ATP2C1: variants seen among roughly 807,000 people sequenced by gnomAD.
ATP2C1 encodes the protein ATPase secretory pathway Ca2+ transporting 1.
In ATP2C1, 31 loss-of-function variants were observed where a neutral mutation model predicts 120.5. The observed-to-expected ratio is 0.26, with a 90% confidence interval of 0.19 to 0.35. The LOEUF (loss-of-function observed/expected upper bound fraction) is 0.35, where lower values mean the gene tolerates loss of function less well. Among genes scored for constraint, ATP2C1 ranks in the 10% least tolerant of loss-of-function variants. The probability of loss-of-function intolerance (pLI) is 1.00; values close to 1 mark genes in which losing one functional copy is unlikely to be tolerated. For missense variants in ATP2C1, 731 were observed against 1,107.5 expected, an observed-to-expected ratio of 0.66 and a Z score of 4.83; for synonymous variants, 351 against 358.7, an observed-to-expected ratio of 0.98 and a Z score of 0.24.
chr3:130,884,258 A>ATT (rs1441314369), intron 1 of ATP2C1, among the ~76,000 whole-genome samples: 1 of 152,024 alleles, frequency 6.6e-6, no homozygotes, highest in Non-Finnish European at 1.5e-5. Context: ...TAATTTCTTC[A>ATT]TTGACCCACT....
intron 26 of ATP2C1, among the ~76,000 whole-genome samples, chr3:131,011,540 C>T (rs1476482953): frequency 6.6e-6 from 1 of 152,182 alleles, no homozygotes; most frequent in Non-Finnish European, 1.5e-5. Context: ...ATGGGATGTA[C>T]AATATTCTGC....
upstream of ATP2C1, chr3:130,893,819 GC>G: frequency 1.8e-6 from 1 of 571,320 alleles, no homozygotes; most frequent in Non-Finnish European, 2.2e-6. Context: ...TAAGGGAGGC[GC>G]CAGCAAGAAC....
In ATP2C1 at chr3:130,941,007, C is replaced by T. The variant is rs141093942; in HGVS notation, c.422+316C>T. Among the ~76,000 whole-genome samples, 488 of 116,296 alleles carry T rather than the reference C, an allele frequency of 4.2e-3. 3 individuals carry two copies. The highest frequency in any genetic ancestry group is 7.6e-3 in the Non-Finnish European group (356 of 46,834). 76.3% of individuals were successfully genotyped at this position (116,296 alleles called of 152,430 possible). ...TCGGCTCACTGCAAGCTCCATCTGC[C>T]GGGTTCACGCCATTTTCTTGCCTCA... On this transcript the variant is annotated intron_variant, in intron 7 of 27. Transcript: ENST00000510168.
intron 8 of ATP2C1, among the ~76,000 whole-genome samples, chr3:130,950,986 C>T (rs1051387617): frequency 6.6e-6 from 1 of 152,102 alleles, no homozygotes; most frequent in Non-Finnish European, 1.5e-5. Flanking sequence ...TTTTACTTCT[C>T]TTACAGAAGG....
chr3:130,979,239 A>G lies in ATP2C1; in HGVS notation c.1571-10A>G, dbSNP rs753608259. 4 of 1,612,890 alleles carry G rather than the reference A, an allele frequency of 2.5e-6. No individual in the cohort carries two copies. The highest frequency in any genetic ancestry group is 1.3e-5 in the African/African-American group (1 of 74,778). On this transcript the variant is annotated splice_polypyrimidine_tract_variant and intron_variant, in intron 18 of 27. Transcript: ENST00000510168. ...TTTTTGTTGTTGTTTGGATTTTATT[A>G]TTTCCTAAGTTCTTGCTTTGGCTTC...
At chr3:130,919,811 C>T (rs2058869666) in intron 2 of ATP2C1, among the ~76,000 whole-genome samples, 1 of 152,224 alleles carries the variant, frequency 6.6e-6, no homozygotes, top group South Asian at 2.1e-4. Flanking sequence ...TTCCCACCAA[C>T]AGGATTCCAA....
Position 130,996,814 on chromosome 3 carries a change from G to A in ATP2C1, c.2243+18G>A, listed in dbSNP as rs776884594. Reference sequence around the variant, plus strand: ...GCTCAGAGGTACGAGTTTTTTAATTGCATGAGCTGGAAAGACAAGGAATGT... The same window carrying A: ...GCTCAGAGGTACGAGTTTTTTAATTACATGAGCTGGAAAGACAAGGAATGT... On this transcript the variant is annotated intron_variant, in intron 24 of 27. Transcript: ENST00000510168. The A allele has an allele frequency of 6.7e-7, 1 of 1,489,582 alleles. No individual in the cohort carries two copies. The highest frequency in any genetic ancestry group is 2.3e-5 in the East Asian group (1 of 44,212). 92.3% of individuals were successfully genotyped at this position (1,489,582 alleles called of 1,614,324 possible). A position where few individuals can be genotyped will look rare whatever the true frequency, so the allele number is the denominator to read the frequency against.
intron 24 of ATP2C1, 129 bp downstream of exon 24, chr3:130,996,925 T>G: frequency 2.7e-6 from 2 of 751,982 alleles, no homozygotes; most frequent in Non-Finnish European, 4.8e-6. Context: ...ATTTATGTTA[T>G]AAATTGTGTG....
intron 2 of ATP2C1, among the ~76,000 whole-genome samples, chr3:130,926,717 T>C (rs2059223133): frequency 6.6e-6 from 1 of 152,370 alleles, no homozygotes; most frequent in South Asian, 2.1e-4. Context: ...CACGCTCACA[T>C]ACCAGGTCTC....
rs540981137 is a variant in ATP2C1 at position 130,881,346 on chromosome 3, T to C, written c.108+30418T>C. Among the ~76,000 whole-genome samples, 46 of 151,140 alleles carry C rather than the reference T, an allele frequency of 3.0e-4. 1 individual carries two copies. In the East Asian group the frequency reaches 7.6e-3, roughly 25 times the overall value. ...CTCCTTTTCTTTTTCTTCTTCTTCT[T>C]CTCCTCCTCCTCCTCCTCCCCCTCC... On this transcript the variant is annotated intron_variant, in intron 1 of 26. Transcript: ENST00000504381.
At chr3:130,961,146 C>T (rs1416199122) in intron 12 of ATP2C1, among the ~76,000 whole-genome samples, 5 of 150,302 alleles carry the variant, frequency 3.3e-5, no homozygotes, top group African/African-American at 9.8e-5. Context: ...TGTTTAAAAA[C>T]GCCATGGGTT....
downstream of ATP2C1, among the ~76,000 whole-genome samples, chr3:131,006,525 T>C (rs1237710078): frequency 6.6e-6 from 1 of 152,196 alleles, no homozygotes; most frequent in Non-Finnish European, 1.5e-5. Context: ...TTACTTTAAG[T>C]TGAAATCGTT....
At chr3:130,938,857 G>T (rs1019565922) in intron 6 of ATP2C1, among the ~76,000 whole-genome samples, 3 of 152,124 alleles carry the variant, frequency 2.0e-5, no homozygotes, top group Non-Finnish European at 2.9e-5. Flanking sequence ...TTAGTACCTT[G>T]TTCTCTTTGA....
intron 2 of ATP2C1, among the ~76,000 whole-genome samples, chr3:130,903,461 C>T (rs2057961636): frequency 6.6e-6 from 1 of 151,882 alleles, no homozygotes; most frequent in South Asian, 2.1e-4. Context: ...GTTAAGAATG[C>T]CACCATAATG....
At chr3:130,933,451 A>C (rs937666958) in intron 4 of ATP2C1, among the ~76,000 whole-genome samples, 3 of 152,168 alleles carry the variant, frequency 2.0e-5, no homozygotes, top group African/African-American at 7.2e-5. Context: ...GTTAATCCTT[A>C]TAACAGTTCT....
intron 18 of ATP2C1, among the ~76,000 whole-genome samples, chr3:130,978,616 C>T (rs142594564): frequency 2.6e-5 from 4 of 152,176 alleles, no homozygotes; most frequent in East Asian, 1.9e-4. Flanking sequence ...AGAGAACCAA[C>T]GTTACAAATA....
chr3:130,873,835 G>A (rs140923191), intron 1 of ATP2C1, among the ~76,000 whole-genome samples: 1 of 152,140 alleles, frequency 6.6e-6, no homozygotes, highest in Non-Finnish European at 1.5e-5. Context: ...AATCTAGCCA[G>A]GCACCGTGGC....
intron 1 of ATP2C1, among the ~76,000 whole-genome samples, chr3:130,884,108 T>C (rs918054160): frequency 2.0e-5 from 3 of 151,856 alleles, no homozygotes; most frequent in African/African-American, 7.3e-5. Context: ...GCCTGGCTAA[T>C]TTTTGTACTT....
intron 2 of ATP2C1, among the ~76,000 whole-genome samples, chr3:130,911,903 G>C (rs1258481337): frequency 1.4e-5 from 2 of 144,572 alleles, no homozygotes; most frequent in East Asian, 4.0e-4. Context: ...CCATAACAGA[G>C]ATATAGATCA....
Sources: allele counts gnomAD v4.1 joint callset (sites outside exome capture counted in the v4.1 genomes callset), GRCh38; gene constraint gnomAD v4.1.1; transcripts MANE v1.5; gene names NCBI Gene and HGNC (gene_info 2026-07-23, HGNC 2026-07-21).